NTM: variants seen among roughly 807,000 people sequenced by gnomAD.
NTM encodes the protein IgLON family member 2.
A neutral mutation model predicts 42.1 loss-of-function variants in NTM; 13 were observed. That is an observed-to-expected ratio of 0.31 (90% CI 0.20 to 0.49). The LOEUF (loss-of-function observed/expected upper bound fraction) is 0.49, where lower values mean the gene tolerates loss of function less well. NTM is among the 20% of genes least tolerant of loss of function. NTM has a pLI of 0.99. For missense variants in NTM, 373 were observed against 452.8 expected (o/e 0.82, Z 1.60); for synonymous variants, 187 against 179.2 (o/e 1.04, Z -0.35).
chr11:131,758,278 C>T (rs950621539), intron 1 of NTM, among the ~76,000 whole-genome samples: 2 of 152,010 alleles, frequency 1.3e-5, no homozygotes, highest in South Asian at 2.1e-4. Context: ...CCGCCAACCC[C>T]GCTAGCTAAT....
At chr11:131,914,565 A>C (rs776021342) in intron 2 of NTM, among the ~76,000 whole-genome samples, 7 of 152,220 alleles carry the variant, frequency 4.6e-5, no homozygotes, top group Non-Finnish European at 2.9e-5. Flanking sequence ...CTAAAGAATA[A>C]ATGCTCAGCA....
At chr11:131,544,617 T>A (rs1443515347) in intron 1 of NTM, among the ~76,000 whole-genome samples, 2 of 152,224 alleles carry the variant, frequency 1.3e-5, no homozygotes, top group Non-Finnish European at 2.9e-5. Flanking sequence ...GGATATCTCA[T>A]CTTGGAATGT....
chr11:132,227,938 A>G (rs911380234), intron 4 of NTM, among the ~76,000 whole-genome samples: 2 of 152,168 alleles, frequency 1.3e-5, no homozygotes, highest in Admixed American at 6.5e-5. Context: ...TCCCTCCCCA[A>G]GGACCAAGGC....
chr11:132,245,225 C>A (rs2090923893), intron 4 of NTM, among the ~76,000 whole-genome samples: 1 of 152,114 alleles, frequency 6.6e-6, no homozygotes, highest in Non-Finnish European at 1.5e-5. Context: ...CTTGTGGCCG[C>A]CTCCTGGAGC....
At chr11:132,057,167 C>A (rs1295952153) in intron 2 of NTM, among the ~76,000 whole-genome samples, 1 of 152,050 alleles carries the variant, frequency 6.6e-6, no homozygotes, top group African/African-American at 2.4e-5. Context: ...CTTGAGCTAT[C>A]TGATTGTGTG....
intron 1 of NTM, among the ~76,000 whole-genome samples, chr11:131,667,622 G>C (rs890478611): frequency 1.4e-4 from 22 of 152,160 alleles, no homozygotes; most frequent in Admixed American, 4.6e-4. Flanking sequence ...CCCAGAGAAA[G>C]TTTCCTGCCT....
At chr11:131,420,649 C>T (rs1410737040) in intron 1 of NTM, among the ~76,000 whole-genome samples, 1 of 152,148 alleles carries the variant, frequency 6.6e-6, no homozygotes, top group African/African-American at 2.4e-5. Context: ...GACTGGCTCC[C>T]ATTCTCATGC....
At chr11:131,389,024 A>AAAAAAAAAGAAAAG (rs774146196) in intron 1 of NTM, among the ~76,000 whole-genome samples, 6 of 89,906 alleles carry the variant, frequency 6.7e-5, no homozygotes, top group African/African-American at 1.4e-4. Context: ...AAAAAAAAAA[A>AAAAAAAAAGAAAAG]AAAAGAAAAG....
intron 2 of NTM, among the ~76,000 whole-genome samples, chr11:132,118,991 C>T (rs1045532325): frequency 1.3e-5 from 2 of 152,126 alleles, no homozygotes; most frequent in East Asian, 1.9e-4. Flanking sequence ...GCCTCTCCCC[C>T]CAGCCTGCCA....
At chr11:132,301,537 C>T (rs1378627018) in intron 4 of NTM, among the ~76,000 whole-genome samples, 3 of 152,198 alleles carry the variant, frequency 2.0e-5, no homozygotes, top group Non-Finnish European at 4.4e-5. Flanking sequence ...TCTGTCTTAT[C>T]TCCCAGCATC....
At chr11:131,867,556 G>A (rs1338194337) in intron 1 of NTM, among the ~76,000 whole-genome samples, 1 of 151,928 alleles carries the variant, frequency 6.6e-6, no homozygotes, top group Non-Finnish European at 1.5e-5. Context: ...GCGTGTTTGG[G>A]TGTCTGTGTG....
chr11:131,676,703 T>C (rs767854217), intron 1 of NTM, among the ~76,000 whole-genome samples: 10 of 152,074 alleles, frequency 6.6e-5, no homozygotes, highest in Non-Finnish European at 1.2e-4. Flanking sequence ...TTTTTCTTCG[T>C]TGAAAATTTT....
At chr11:131,830,077 T>C (rs1198447961) in intron 1 of NTM, among the ~76,000 whole-genome samples, 1 of 152,230 alleles carries the variant, frequency 6.6e-6, no homozygotes, top group East Asian at 1.9e-4. Flanking sequence ...ATTCTCCATA[T>C]TGACCTTTGT....
At chr11:131,961,812 A>T (rs1044528333) in intron 2 of NTM, among the ~76,000 whole-genome samples, 1 of 152,118 alleles carries the variant, frequency 6.6e-6, no homozygotes, top group Non-Finnish European at 1.5e-5. Flanking sequence ...TCCCACTGAG[A>T]CAGAGATCAC....
intron 1 of NTM, among the ~76,000 whole-genome samples, chr11:131,434,892 A>G (rs2135937443): frequency 6.6e-6 from 1 of 152,340 alleles, no homozygotes; most frequent in South Asian, 2.1e-4. Flanking sequence ...GGTATTGCCT[A>G]GGATTTCTTC....
At chr11:132,293,084 C>T (rs1392789267) in intron 4 of NTM, among the ~76,000 whole-genome samples, 1 of 151,834 alleles carries the variant, frequency 6.6e-6, no homozygotes, top group African/African-American at 2.4e-5. Context: ...ACGAGGAGGT[C>T]ACAGAGAATA....
intron 1 of NTM, among the ~76,000 whole-genome samples, chr11:131,865,515 TCAAAACCCAAAACAAGCAAA>T (rs1299526963): frequency 6.6e-6 from 1 of 152,136 alleles, no homozygotes; most frequent in East Asian, 1.9e-4. Context: ...GGTTTAAAAA[TCAAAACCCAAAACAAGCAAA>T]CAGAACAATG....
chr11:132,091,417 ATAAAT>A (rs1303394896), intron 2 of NTM, among the ~76,000 whole-genome samples: 23 of 152,228 alleles, frequency 1.5e-4, no homozygotes, highest in Middle Eastern at 6.8e-3. Context: ...AAAAAAAATA[ATAAAT>A]TAATAAAATA....
At chr11:132,313,527 G>C (rs746640241) in intron 6 of NTM, among the ~76,000 whole-genome samples, 1 of 152,026 alleles carries the variant, frequency 6.6e-6, no homozygotes. Context: ...TCAGGGCAAG[G>C]ATTACAGATT....
Sources: gnomAD v4.1 joint callset for allele counts (sites outside exome capture counted in the v4.1 genomes callset) on GRCh38, gnomAD v4.1.1 for gene constraint, MANE v1.5 for transcripts, NCBI Gene and HGNC (gene_info 2026-07-23, HGNC 2026-07-21) for gene names.